BCL2L14: variants seen among roughly 807,000 people sequenced by gnomAD.
BCL2L14 encodes BCL2 like 14.
BCL2L14 carries 27 observed loss-of-function variants against 35.3 expected under a neutral mutation model. The ratio of observed to expected loss-of-function variants is 0.76; its 90% CI spans 0.56 to 1.05. The LOEUF is 1.05. Among genes scored for constraint, BCL2L14 ranks in the 50% least tolerant of loss-of-function variants. The pLI, the probability that BCL2L14 is intolerant of heterozygous loss-of-function variation, is 0.00. For missense variants in BCL2L14, 377 were observed against 382.6 expected (o/e 0.99, Z 0.12); for synonymous variants, 139 against 145.9 (o/e 0.95, Z 0.34).
intron 2 of BCL2L14, among the ~76,000 whole-genome samples, chr12:12,080,953 G>A (rs1948908343): frequency 6.6e-6 from 1 of 152,192 alleles, no homozygotes; most frequent in African/African-American, 2.4e-5. Flanking sequence ...GGAGGCCAAG[G>A]TGGGTGGATC....
Position 12,098,962 on chromosome 12 carries a change from G to A in BCL2L14, c.958G>A (p.Gly320Arg), listed in dbSNP as rs547253521. ...TTTTCCCCTCTAGGAAAAAATACTT[G>A]GGATATCACATGAAGAAGTAGACTG... ...QQHGGWEKIL[G>R]ISHEEVD The change falls in exon 6 of 6, where the codon GGG becomes AGG. Residue 320 changes from glycine to arginine, a missense_variant. Physicochemically the swap from Gly to Arg is moderately radical, Grantham distance 125. Coordinates refer to ENST00000308721, the MANE Select transcript of BCL2L14 (RefSeq NM_138723.2). 1 of 1,597,746 alleles carries A rather than the reference G, an allele frequency of 6.3e-7. No homozygotes were observed. Among genetic ancestry groups the A allele is most frequent in the East Asian group, 2.2e-5 (1 of 44,794 alleles).
At chr12:12,063,097 C>T (rs558756770) in intron 2 of BCL2L14, among the ~76,000 whole-genome samples, 1 of 152,190 alleles carries the variant, frequency 6.6e-6, no homozygotes, top group African/African-American at 2.4e-5. Flanking sequence ...CCAACTTAGA[C>T]TGTGCCCCAA....
At chr12:12,087,128 C>A in intron 2 of BCL2L14, 85 bp from the exon 3 acceptor site, 1 of 1,434,352 alleles carries the variant, frequency 7.0e-7, no homozygotes, top group Non-Finnish European at 9.6e-7. Context: ...CTGGCCTGGT[C>A]TTTTCATTCC....
chr12:12,090,562 G>A (rs1391352186), intron 3 of BCL2L14, among the ~76,000 whole-genome samples: 3 of 151,968 alleles, frequency 2.0e-5, no homozygotes, highest in Non-Finnish European at 4.4e-5. Context: ...GAACCTGGGA[G>A]GCAGAGGTTG....
upstream of BCL2L14, among the ~76,000 whole-genome samples, chr12:12,068,465 T>A (rs1346833986): frequency 6.6e-6 from 1 of 152,142 alleles, no homozygotes; most frequent in Non-Finnish European, 1.5e-5. Context: ...TACAATAGCA[T>A]GATCCTAGCT....
At chr12:12,061,891 T>C (rs1377853767) in intron 2 of BCL2L14, among the ~76,000 whole-genome samples, 1 of 152,188 alleles carries the variant, frequency 6.6e-6, no homozygotes, top group African/African-American at 2.4e-5. Flanking sequence ...CCTCAATCCC[T>C]TATAAAACAA....
chr12:12,076,401 C>T (rs1042804587), intron 1 of BCL2L14, among the ~76,000 whole-genome samples: 1 of 152,148 alleles, frequency 6.6e-6, no homozygotes, highest in South Asian at 2.1e-4. Context: ...ATTGTCCAAG[C>T]CCTGGAATAA....
chr12:12,063,105 C>CA (rs1204994955), intron 2 of BCL2L14, among the ~76,000 whole-genome samples: 2 of 151,894 alleles, frequency 1.3e-5, no homozygotes, highest in Non-Finnish European at 2.9e-5. Context: ...GACTGTGCCC[C>CA]AAAAAACTTG....
Position 12,089,388 on chromosome 12 carries a change from TAGA to T in BCL2L14, c.608-1382_608-1380del, listed in dbSNP as rs980844098. Among the ~76,000 whole-genome samples, 10 of 140,322 alleles carry T rather than the reference TAGA, an allele frequency of 7.1e-5. No individual in the cohort carries two copies. The South Asian group carries it at 2.1e-3, about 29-fold the overall frequency. The allele number at this position is 140,322 out of a possible 152,430, so 92.1% of individuals were successfully genotyped here. The stretch of plus-strand genomic sequence containing the variant: ...CCATCTCAATAAAAAAAAAAAAAAG[TAGA>T]AGAAGAAGGTTTATTTTGCCAAGCC... On this transcript the variant is annotated intron_variant, in intron 3 of 5. Transcript: ENST00000308721.
chr12:12,070,291 A>G (rs994046341), upstream of BCL2L14, among the ~76,000 whole-genome samples: 1 of 152,222 alleles, frequency 6.6e-6, no homozygotes, highest in Non-Finnish European at 1.5e-5. Context: ...ATCTCAGCTC[A>G]ACTGATAGGG....
At chr12:12,075,042 G>T (rs1201912832) in intron 1 of BCL2L14, among the ~76,000 whole-genome samples, 1 of 151,936 alleles carries the variant, frequency 6.6e-6, no homozygotes, top group African/African-American at 2.4e-5. Flanking sequence ...CAGTATGTTT[G>T]AATTACGATT....
chr12:12,097,162 A>T (rs1040861201), intron 5 of BCL2L14, among the ~76,000 whole-genome samples: 5 of 152,016 alleles, frequency 3.3e-5, no homozygotes, highest in African/African-American at 7.2e-5. Context: ...AAAAAAAATT[A>T]AAAAAAATAA....
intron 2 of BCL2L14, among the ~76,000 whole-genome samples, chr12:12,083,680 C>T (rs1948977107): frequency 6.6e-6 from 1 of 152,160 alleles, no homozygotes; most frequent in Non-Finnish European, 1.5e-5. Context: ...CAGGGTGGCT[C>T]ATGCCTATAA....
rs36147842 is a variant in BCL2L14 at position 12,093,794 on chromosome 12, GAAAA to G, written c.679-861_679-858del. ...GGCAAGAGAGTGAGACTCCATCTCAGAAAAAAAAAAAAGAAAGAAAGAAAAGAAA... is the reference window on the plus strand; with the variant it reads ...GGCAAGAGAGTGAGACTCCATCTCAGAAAAAAAAGAAAGAAAGAAAAGAAA... On this transcript the variant is annotated intron_variant, in intron 4 of 5. Coordinates refer to ENST00000308721, the MANE Select transcript of BCL2L14 (RefSeq NM_138723.2). 3.8e-5 allele frequency among the ~76,000 whole-genome samples: 5 copies of G among 131,680 alleles called. No homozygotes were observed. In the Admixed American group the frequency reaches 3.9e-4, roughly 10 times the overall value. The allele number at this position is 131,680 out of a possible 152,430, so 86.4% of individuals were successfully genotyped here. A position where few individuals can be genotyped will look rare whatever the true frequency, so the allele number is the denominator to read the frequency against.
exon 1 of BCL2L14, chr12:12,049,898 C>G (rs764107702): frequency 4.6e-5 from 7 of 152,104 alleles, no homozygotes; most frequent in Non-Finnish European, 1.0e-4. Flanking sequence ...AATGGGCTCC[C>G]CTGGACTCGC....
chr12:12,079,809 T>C (rs1319704574), intron 2 of BCL2L14, 71 bp downstream of exon 2: 2 of 1,463,882 alleles, frequency 1.4e-6, no homozygotes, highest in Non-Finnish European at 1.9e-6. Flanking sequence ...GTGGTACATC[T>C]CTTCTCATGT....
At chr12:12,068,135 G>A, upstream of BCL2L14, 1 of 398,418 alleles carries the variant, frequency 2.5e-6, no homozygotes, top group African/African-American at 2.1e-5. Context: ...GTAGTGATGG[G>A]GTTATCACCA....
chr12:12,094,941 C>T lies in BCL2L14; in HGVS notation c.945+11C>T. 1 of 1,607,212 alleles carries T rather than the reference C, an allele frequency of 6.2e-7. No individual in the cohort carries two copies. Among genetic ancestry groups the T allele is most frequent in the South Asian group, 1.1e-5 (1 of 90,790 alleles). Reference sequence around the variant, plus strand: ...CAGCACGGTGGATGGGTAAGCGTATCCTATTTAAAAACAAATTTTCTCAGA... The same window carrying T: ...CAGCACGGTGGATGGGTAAGCGTATTCTATTTAAAAACAAATTTTCTCAGA... On this transcript the variant is annotated intron_variant, in intron 5 of 5. Transcript: ENST00000308721.
intron 2 of BCL2L14, among the ~76,000 whole-genome samples, chr12:12,083,406 T>C (rs924254036): frequency 7.9e-5 from 12 of 152,128 alleles, no homozygotes; most frequent in African/African-American, 2.9e-4. Context: ...TGCAGAGAAA[T>C]GGACAATAAC....
Sources: allele counts gnomAD v4.1 joint callset (sites outside exome capture counted in the v4.1 genomes callset), GRCh38; gene constraint gnomAD v4.1.1; transcripts MANE v1.5; gene names NCBI Gene and HGNC (gene_info 2026-07-23, HGNC 2026-07-21).